The following CFAP157 variants were observed in gnomAD, a reference collection of about 807,000 sequenced individuals.
CFAP157 encodes the protein cilia and flagella associated protein 157, also known as cilia- and flagella-associated protein 157.
CFAP157 carries 43 observed loss-of-function variants against 57.8 expected under a neutral mutation model. That is an observed-to-expected ratio of 0.74 (90% CI 0.58 to 0.96). The LOEUF (loss-of-function observed/expected upper bound fraction) is 0.96, where lower values mean the gene tolerates loss of function less well. CFAP157 is among the 40% of genes least tolerant of loss of function. CFAP157 has a pLI of 0.00. For missense variants in CFAP157, 606 were observed against 655.3 expected (o/e 0.92, Z 0.82); for synonymous variants, 267 against 269.0 (o/e 0.99, Z 0.07).
chr9:127,714,888 T>A lies in CFAP157; in HGVS notation c.*983T>A. On this transcript the variant is annotated 3_prime_UTR_variant, in exon 9 of 9. Transcript: ENST00000373295. ...GTACTTGGAGGTGAACCCGCGGATCTGTCACAGCCAGTGCTCCCCTCTGGC... is the reference window on the plus strand; with the variant it reads ...GTACTTGGAGGTGAACCCGCGGATCAGTCACAGCCAGTGCTCCCCTCTGGC... The A allele has an allele frequency of 9.6e-7, 1 of 1,044,408 alleles. No homozygotes were observed. Among genetic ancestry groups the A allele is most frequent in the Non-Finnish European group, 1.4e-6 (1 of 727,896 alleles). The allele number at this position is 1,044,408 out of a possible 1,614,324, so 64.7% of individuals were successfully genotyped here.
At position 127,710,604 on chromosome 9, in the gene CFAP157, G is replaced by T. The variant is rs761752193; in HGVS notation, c.437G>T (p.Gly146Val). 5 of 1,581,248 alleles carry T rather than the reference G, an allele frequency of 3.2e-6. 1 individual carries two copies. In the South Asian group the frequency reaches 3.5e-5, roughly 11 times the overall value. Residue 146 changes from glycine (G) to valine (V), a missense_variant, in exon 3 of 9, where the codon GGG (glycine) becomes GTG (valine). Gly to Val is a moderately radical substitution (Grantham distance 109). Coordinates refer to ENST00000373295, the MANE Select transcript of CFAP157 (RefSeq NM_001012502.3). ...CCTTGTGCGCTGTGGCGGCCAGGGGGGAAGCTGGCAGCCCTGGAGGAGTTC... is the reference window on the plus strand; with the variant it reads ...CCTTGTGCGCTGTGGCGGCCAGGGGTGAAGCTGGCAGCCCTGGAGGAGTTC... Reference protein sequence around the residue: ...QLTTENIILGGKLAALEEFRL... With the variant: ...QLTTENIILGVKLAALEEFRL...
Position 127,715,615 on chromosome 9 carries a change from C to G in CFAP157, c.*1710C>G, listed in dbSNP as rs893744917. 6.2e-7 allele frequency: 1 copy of G among 1,612,850 alleles called. No homozygotes were observed. The highest frequency in any genetic ancestry group is 2.2e-5 in the East Asian group (1 of 44,886). On this transcript the variant is annotated 3_prime_UTR_variant, in exon 9 of 9. Transcript: ENST00000373295. This position sits in a 1 kb window ranked among gnomAD's most constrained non-coding sequence, Gnocchi z 5.8. ...ATGGCTCTACTCAGCCGCTGTCCGG[C>G]GCCCAAAAAGCCGCCCGGCCTCATG...
In CFAP157 at chr9:127,714,816, A is replaced by G. The variant is rs1249460056; in HGVS notation, c.*911A>G. 4 of 1,102,878 alleles carry G rather than the reference A, an allele frequency of 3.6e-6. No homozygotes were observed. The East Asian group carries it at 1.0e-4, about 28-fold the overall frequency. 68.3% of individuals were successfully genotyped at this position (1,102,878 alleles called of 1,614,324 possible). A position where few individuals can be genotyped will look rare whatever the true frequency, so the allele number is the denominator to read the frequency against. On this transcript the variant is annotated 3_prime_UTR_variant, in exon 9 of 9. Coordinates refer to ENST00000373295, the MANE Select transcript of CFAP157 (RefSeq NM_001012502.3). ...TCCCACTTCACATATAAAGAAACTGAGGCCCCCCGAAGTACCCAAAGCCAT... is the reference window on the plus strand; with the variant it reads ...TCCCACTTCACATATAAAGAAACTGGGGCCCCCCGAAGTACCCAAAGCCAT...
At chr9:127,710,153 T>A (rs1368672390) in intron 2 of CFAP157, among the ~76,000 whole-genome samples, 1 of 151,910 alleles carries the variant, frequency 6.6e-6, no homozygotes, top group East Asian at 1.9e-4. Context: ...TGCACATATG[T>A]AGTCCCAGCT....
rs777693958 is a variant in CFAP157 at position 127,707,091 on chromosome 9, G to C, written c.60G>C (p.Gly20=). Residue 20 remains glycine (G), a synonymous_variant, in exon 1 of 9, where the codon GGG becomes GGC. Coordinates refer to ENST00000373295, the MANE Select transcript of CFAP157 (RefSeq NM_001012502.3). ...AGKELEVKKK[G]GKKEPVVAVE... ...AGGAGCTTGAAGTCAAGAAGAAAGG[G>C]GGCAAGAAGGAGCCGGTGGTGGCCG... The C allele has an allele frequency of 6.2e-7, 1 of 1,613,952 alleles. No individual in the cohort carries two copies. Among genetic ancestry groups the C allele is most frequent in the Non-Finnish European group, 8.5e-7 (1 of 1,180,020 alleles).
rs1842720877 is a variant in CFAP157 at position 127,709,725 on chromosome 9, G to A, written c.433+32G>A. 1.2e-6 allele frequency: 2 copies of A among 1,601,814 alleles called. No individual in the cohort carries two copies. Among genetic ancestry groups the A allele is most frequent in the Non-Finnish European group, 1.7e-6 (2 of 1,173,028 alleles). ...AGGGGACTGGCTGGTGAGCCTGCAG[G>A]CACACATCCCAGCTCTATCACTGAC... On this transcript the variant is annotated intron_variant, in intron 2 of 8. Coordinates refer to ENST00000373295, the MANE Select transcript of CFAP157 (RefSeq NM_001012502.3). This position sits in a 1 kb window ranked among gnomAD's most constrained non-coding sequence, Gnocchi z 4.7.
rs749561464 is a variant in CFAP157 at position 127,707,107 on chromosome 9, G to T, written c.76G>T (p.Val26Leu). ...GAAGAAAGGGGGCAAGAAGGAGCCG[G>T]TGGTGGCCGTGGAGCCGCCTCTGGC... Reference protein sequence around the residue: ...VKKKGGKKEPVVAVEPPLAKE... With the variant: ...VKKKGGKKEPLVAVEPPLAKE... The change falls in exon 1 of 9, where the codon GTG (valine) becomes TTG (leucine). Residue 26 changes from valine to leucine, a missense_variant. Val to Leu is a conservative substitution (Grantham distance 32, BLOSUM62 1). Coordinates refer to ENST00000373295, the MANE Select transcript of CFAP157 (RefSeq NM_001012502.3). 1 of 1,613,904 alleles carries T rather than the reference G, an allele frequency of 6.2e-7. No individual in the cohort carries two copies. Among genetic ancestry groups the T allele is most frequent in the Non-Finnish European group, 8.5e-7 (1 of 1,180,006 alleles).
intron 1 of CFAP157, among the ~76,000 whole-genome samples, chr9:127,708,794 C>T (rs1177041002): frequency 2.0e-5 from 3 of 152,192 alleles, no homozygotes; most frequent in African/African-American, 4.8e-5. Flanking sequence ...AAATGTGGCT[C>T]AGGGCCAAGA....
At position 127,707,137 on chromosome 9, in the gene CFAP157, G is replaced by A. The variant is rs1842664323; in HGVS notation, c.106G>A (p.Glu36Lys). The change falls in exon 1 of 9, where the codon GAG (glutamate) becomes AAG (lysine). Residue 36 changes from glutamate to lysine, a missense_variant. Coordinates refer to ENST00000373295, the MANE Select transcript of CFAP157 (RefSeq NM_001012502.3). ...GGCCGTGGAGCCGCCTCTGGCCAAG[G>A]AGATGAAGGAGTTCTACCACATCCA... ...VVAVEPPLAK[E>K]MKEFYHIQIR... is the part of the protein sequence containing the mutation. The A allele has an allele frequency of 1.9e-6, 3 of 1,613,790 alleles. No individual in the cohort carries two copies. The highest frequency in any genetic ancestry group is 1.7e-6 in the Non-Finnish European group (2 of 1,180,004).
In CFAP157 at chr9:127,711,994, G is replaced by A. The variant is rs1178527423; in HGVS notation, c.986+44G>A. The A allele has an allele frequency of 3.8e-6, 6 of 1,575,654 alleles. No individual in the cohort carries two copies. The African/African-American group carries it at 5.4e-5, about 14-fold the overall frequency. The stretch of plus-strand genomic sequence containing the variant: ...GGGGCGGGCGGCGGGTGCAGGCTGG[G>A]GCCAAGCTCTGGCCCAGCTCTTTCC... On this transcript the variant is annotated intron_variant, in intron 5 of 8. Transcript: ENST00000373295.
At position 127,709,275 on chromosome 9, in the gene CFAP157, A is replaced by G. The variant is rs1243120433; in HGVS notation, c.162-147A>G. ...GGTCATGACTGTCGGACCAAGGGGC[A>G]TAGTGGGAGATGAGGCTGGATTCTG... On this transcript the variant is annotated intron_variant, in intron 1 of 8. Transcript: ENST00000373295. This position sits in a 1 kb window ranked among gnomAD's most constrained non-coding sequence, Gnocchi z 4.7. 2 of 754,288 alleles carry G rather than the reference A, an allele frequency of 2.7e-6. No homozygotes were observed. Among genetic ancestry groups the G allele is most frequent in the Non-Finnish European group, 4.3e-6 (2 of 467,546 alleles). The allele number at this position is 754,288 out of a possible 1,614,324, so 46.7% of individuals were successfully genotyped here. A position where few individuals can be genotyped will look rare whatever the true frequency, so the allele number is the denominator to read the frequency against.
chr9:127,715,813 C>T lies in CFAP157; in HGVS notation c.*1908C>T. The T allele has an allele frequency of 7.7e-6, 10 of 1,294,762 alleles. No individual in the cohort carries two copies. The highest frequency in any genetic ancestry group is 2.7e-5 in the Admixed American group (1 of 37,674). 80.2% of individuals were successfully genotyped at this position (1,294,762 alleles called of 1,614,324 possible). ...CGGTGGCCGAGTCCGGGAACCCAGG[C>T]GCCTTCAGTAGCGCGGCGTCACAGT... On this transcript the variant is annotated 3_prime_UTR_variant, in exon 9 of 9. Transcript: ENST00000373295. This position sits in a 1 kb window ranked among gnomAD's most constrained non-coding sequence, Gnocchi z 5.8.
intron 1 of CFAP157, among the ~76,000 whole-genome samples, chr9:127,708,012 G>C (rs927105820): frequency 6.6e-6 from 1 of 152,124 alleles, no homozygotes; most frequent in African/African-American, 2.4e-5. Flanking sequence ...TGCACAGATG[G>C]GGAAGACTGA....
In CFAP157 at chr9:127,714,918, G is replaced by GGGGGGCCCCCCCCCCCCCCCCCCC; in HGVS notation, c.*1013_*1014insGGGGGCCCCCCCCCCCCCCCCCCC. 2.5e-6 allele frequency: 1 copy of GGGGGGCCCCCCCCCCCCCCCCCCC among 398,848 alleles called. No homozygotes were observed. Among genetic ancestry groups the GGGGGGCCCCCCCCCCCCCCCCCCC allele is most frequent in the Non-Finnish European group, 4.5e-6 (1 of 220,034 alleles). 24.7% of individuals were successfully genotyped at this position (398,848 alleles called of 1,614,324 possible). A position where few individuals can be genotyped will look rare whatever the true frequency, so the allele number is the denominator to read the frequency against. ...CAGCCAGTGCTCCCCTCTGGCCCCC[G>GGGGGGCCCCCCCCCCCCCCCCCCC]CGCCCCAACCCCCACCCCCTTGGCC... On this transcript the variant is annotated 3_prime_UTR_variant, in exon 9 of 9. Coordinates refer to ENST00000373295, the MANE Select transcript of CFAP157 (RefSeq NM_001012502.3).
chr9:127,710,447 A>C (rs932712477), intron 2 of CFAP157, among the ~76,000 whole-genome samples, 154 bp from the exon 3 acceptor site: 1 of 152,150 alleles, frequency 6.6e-6, no homozygotes, highest in African/African-American at 2.4e-5. Context: ...TGACAGGGCC[A>C]GGCAGGGTAG....
In CFAP157 at chr9:127,715,749, A is replaced by G. The variant is rs1248698606; in HGVS notation, c.*1844A>G. 1 of 1,532,892 alleles carries G rather than the reference A, an allele frequency of 6.5e-7. No individual in the cohort carries two copies. The highest frequency in any genetic ancestry group is 8.7e-7 in the Non-Finnish European group (1 of 1,145,352). The allele number at this position is 1,532,892 out of a possible 1,614,324, so 95.0% of individuals were successfully genotyped here. ...GCCAACGTCCAATCCGGGCCGGGCT[A>G]CGTGGCCGCCATGCTTCTGAGGGGC... On this transcript the variant is annotated 3_prime_UTR_variant, in exon 9 of 9. Transcript: ENST00000373295. The surrounding 1 kb of genome is among the most constrained non-coding windows in gnomAD (Gnocchi z 5.8).
chr9:127,713,984 G>T lies in CFAP157; in HGVS notation c.*79G>T. 2.5e-6 allele frequency: 4 copies of T among 1,577,176 alleles called. No homozygotes were observed. The highest frequency in any genetic ancestry group is 1.1e-5 in the South Asian group (1 of 90,166). ...CCCACTTTAATCCGCAGGCAGCCTGGAACAGTCTAGAGGAGATTTGTATAA... is the reference window on the plus strand; with the variant it reads ...CCCACTTTAATCCGCAGGCAGCCTGTAACAGTCTAGAGGAGATTTGTATAA... On this transcript the variant is annotated 3_prime_UTR_variant, in exon 9 of 9. Transcript: ENST00000373295.
In CFAP157 at chr9:127,710,792, T is replaced by C. The variant is rs956945542; in HGVS notation, c.587+38T>C. Reference sequence around the variant, plus strand: ...GGCACCCTTTGGGGCCTTTGGAGGCTTCATCCCTGGGGCTACGAACATCCT... The same window carrying C: ...GGCACCCTTTGGGGCCTTTGGAGGCCTCATCCCTGGGGCTACGAACATCCT... On this transcript the variant is annotated intron_variant, in intron 3 of 8. Transcript: ENST00000373295. 19 of 1,549,902 alleles carry C rather than the reference T, an allele frequency of 1.2e-5. No homozygotes were observed. The East Asian group carries it at 4.6e-4, about 38-fold the overall frequency.
Position 127,715,780 on chromosome 9 carries a change from C to A in CFAP157, c.*1875C>A, listed in dbSNP as rs1185015575. On this transcript the variant is annotated 3_prime_UTR_variant, in exon 9 of 9. Coordinates refer to ENST00000373295, the MANE Select transcript of CFAP157 (RefSeq NM_001012502.3). The surrounding 1 kb of genome is among the most constrained non-coding windows in gnomAD (Gnocchi z 5.8). ...CCGCCATGCTTCTGAGGGGCGGAAG[C>A]GGCGAGGCGGTGGCCGAGTCCGGGA... 1.3e-6 allele frequency: 2 copies of A among 1,486,632 alleles called. No homozygotes were observed. The highest frequency in any genetic ancestry group is 1.8e-6 in the Non-Finnish European group (2 of 1,119,408). 92.1% of individuals were successfully genotyped at this position (1,486,632 alleles called of 1,614,324 possible). A position where few individuals can be genotyped will look rare whatever the true frequency, so the allele number is the denominator to read the frequency against.
Sources: gnomAD v4.1 joint callset for allele counts (sites outside exome capture counted in the v4.1 genomes callset) on GRCh38, gnomAD v4.1.1 for gene constraint, Gnocchi (gnomAD v3.1) non-coding constraint, MANE v1.5 for transcripts, NCBI Gene and HGNC (gene_info 2026-07-23, HGNC 2026-07-21) for gene names.